Variants in OPRK1 observed in about 807,000 individuals in gnomAD.
OPRK1 encodes kappa-type opioid receptor.
In OPRK1, 15 loss-of-function variants were observed where a neutral mutation model predicts 24.5. The ratio of observed to expected loss-of-function variants is 0.61; its 90% confidence interval spans 0.41 to 0.94. The LOEUF is 0.94. Among genes scored for constraint, OPRK1 ranks in the 40% least tolerant of loss-of-function variants. The pLI is 0.00. For missense variants in OPRK1, 479 were observed against 507.3 expected, an observed-to-expected ratio of 0.94 and a Z score of 0.54; for synonymous variants, 205 against 198.0, an observed-to-expected ratio of 1.04 and a Z score of -0.30.
chr8:53,234,714 T>C, intron 3 of OPRK1, 45 bp downstream of exon 3: 2 of 1,521,598 alleles, frequency 1.3e-6, no homozygotes, highest in South Asian at 1.2e-5. Flanking sequence ...GTCTATGTAA[T>C]TTGAAGCTAC....
intron 2 of OPRK1, among the ~76,000 whole-genome samples, chr8:53,245,606 A>G (rs1485704256): frequency 6.6e-6 from 1 of 152,214 alleles, no homozygotes; most frequent in East Asian, 1.9e-4. Flanking sequence ...TGCAGAAAGG[A>G]ATGGATAACT....
At position 53,250,975 on chromosome 8, in the gene OPRK1, G is replaced by A. The variant is rs201092434; in HGVS notation, c.63C>T (p.Cys21=). 30 of 1,602,370 alleles carry A rather than the reference G, an allele frequency of 1.9e-5. No homozygotes were observed. The highest frequency in any genetic ancestry group is 2.5e-5 in the Non-Finnish European group (29 of 1,174,908). ...ACCAGGCGCTGCTGTTGGGGGGCAG[G>A]CAGGCGCTCGGGGCGCAGGTAGGGC... The part of the protein sequence containing the change: ...EPGPTCAPSA[C]LPPNSSAWFP... Residue 21 remains cysteine (C), a synonymous_variant, in exon 2 of 4, where the codon TGC becomes TGT. Coordinates refer to ENST00000265572, the MANE Select transcript of OPRK1 (RefSeq NM_000912.5).
In OPRK1 at chr8:53,229,274, T is replaced by A; in HGVS notation, c.*23A>T. 1 of 1,599,598 alleles carries A rather than the reference T, an allele frequency of 6.3e-7. No individual in the cohort carries two copies. The highest frequency in any genetic ancestry group is 1.1e-5 in the South Asian group (1 of 88,418). On this transcript the variant is annotated 3_prime_UTR_variant, in exon 4 of 4. Transcript: ENST00000265572. ...GAACTCCTCTCTTCCCGAAGAACTGTACGAAGACATCTCCACGACTAGTCA... is the reference window on the plus strand; with the variant it reads ...GAACTCCTCTCTTCCCGAAGAACTGAACGAAGACATCTCCACGACTAGTCA...
intron 2 of OPRK1, among the ~76,000 whole-genome samples, chr8:53,244,023 C>T (rs1563330655): frequency 6.6e-6 from 1 of 152,088 alleles, no homozygotes; most frequent in Non-Finnish European, 1.5e-5. Flanking sequence ...ACAGTGATTA[C>T]AACACATACT....
Position 53,227,598 on chromosome 8 carries a change from A to T in OPRK1, c.*1699T>A, listed in dbSNP as rs935956430. ...CAATAAAACAAGAAATACTCAAAAGAGCACTTCATTTTCATTAGGAGAAAT... is the reference window on the plus strand; with the variant it reads ...CAATAAAACAAGAAATACTCAAAAGTGCACTTCATTTTCATTAGGAGAAAT... On this transcript the variant is annotated 3_prime_UTR_variant, in exon 4 of 4. Coordinates refer to ENST00000265572, the MANE Select transcript of OPRK1 (RefSeq NM_000912.5). 5 of 152,160 alleles carry T rather than the reference A, an allele frequency of 3.3e-5. No individual in the cohort carries two copies. The highest frequency in any genetic ancestry group is 7.3e-5 in the Non-Finnish European group (5 of 68,032). 9.4% of individuals were successfully genotyped at this position (152,160 alleles called of 1,614,324 possible).
chr8:53,243,092 C>T (rs1344331921), intron 2 of OPRK1, among the ~76,000 whole-genome samples: 8 of 152,190 alleles, frequency 5.3e-5, no homozygotes, highest in Non-Finnish European at 1.2e-4. Context: ...CAATGTTATT[C>T]TGAAACTATC....
rs1201508262 is a variant in OPRK1 at position 53,226,512 on chromosome 8, AACAG to A, written c.*2781_*2784del. 8.2e-6 allele frequency: 1 copy of A among 121,516 alleles called. No homozygotes were observed. The highest frequency in any genetic ancestry group is 3.8e-5 in the African/African-American group (1 of 26,320). 7.5% of individuals were successfully genotyped at this position (121,516 alleles called of 1,614,324 possible). A position where few individuals can be genotyped will look rare whatever the true frequency, so the allele number is the denominator to read the frequency against. ...TGGAGTTCTAGTCTCAAAGAGACAC[AACAG>A]ACAGTGTCCTCCTTGTTGAGGTCAG... On this transcript the variant is annotated 3_prime_UTR_variant, in exon 4 of 4. Coordinates refer to ENST00000265572, the MANE Select transcript of OPRK1 (RefSeq NM_000912.5).
At chr8:53,231,767 A>G (rs952797626) in intron 3 of OPRK1, among the ~76,000 whole-genome samples, 5 of 152,230 alleles carry the variant, frequency 3.3e-5, no homozygotes, top group African/African-American at 1.2e-4. Flanking sequence ...CCACATGAAT[A>G]ACAAACCCTC....
chr8:53,238,720 T>A, intron 2 of OPRK1: 1 of 985,464 alleles, frequency 1.0e-6, no homozygotes, highest in African/African-American at 1.7e-5. Flanking sequence ...AACAAAGTTA[T>A]CTGCTGAGAT....
intron 2 of OPRK1, among the ~76,000 whole-genome samples, chr8:53,246,303 G>A (rs1011726075): frequency 6.6e-6 from 1 of 152,154 alleles, no homozygotes; most frequent in South Asian, 2.1e-4. Context: ...CACACACCAG[G>A]GCTTTGGTGA....
intron 2 of OPRK1, among the ~76,000 whole-genome samples, chr8:53,236,616 G>A (rs1440099607): frequency 6.6e-6 from 1 of 152,116 alleles, no homozygotes; most frequent in Non-Finnish European, 1.5e-5. Flanking sequence ...AACATGGATG[G>A]CCAAGTTCTC....
intron 2 of OPRK1, among the ~76,000 whole-genome samples, chr8:53,248,616 A>G: frequency 6.6e-6 from 1 of 152,110 alleles, no homozygotes; most frequent in East Asian, 1.9e-4. Context: ...TTCTTCTTCA[A>G]AGGTTTTATT....
Position 53,238,663 on chromosome 8 carries a change from T to G in OPRK1, c.258-3552A>C, listed in dbSNP as rs76301966. The G allele has an allele frequency of 4.9e-3, 4,866 of 985,280 alleles. 203 individuals carry two copies. The African/African-American group carries it at 0.079, about 16-fold the overall frequency. The allele number at this position is 985,280 out of a possible 1,614,324, so 61.0% of individuals were successfully genotyped here. ...ACTTCTCTTTACAGAGAAACGAGGG[T>G]TGGCTTCAAAATTGGCAGACACTGG... is the stretch of plus-strand genomic sequence containing the variant. On this transcript the variant is annotated intron_variant, in intron 2 of 3. Transcript: ENST00000265572.
intron 3 of OPRK1, among the ~76,000 whole-genome samples, chr8:53,233,061 G>T (rs1450825539): frequency 6.6e-6 from 1 of 152,220 alleles, no homozygotes; most frequent in East Asian, 1.9e-4. Context: ...TGATAAAGTT[G>T]GGCATTTCTT....
At chr8:53,241,805 G>A (rs59786462) in intron 2 of OPRK1, among the ~76,000 whole-genome samples, 2,677 of 152,298 alleles carry the variant, frequency 0.018, 67 homozygotes, top group African/African-American at 0.062. Context: ...GCACAGCCCC[G>A]CGCAGGTGCA....
At chr8:53,232,427 T>C (rs1806878349) in intron 3 of OPRK1, among the ~76,000 whole-genome samples, 1 of 152,174 alleles carries the variant, frequency 6.6e-6, no homozygotes. Flanking sequence ...GAGAAATACT[T>C]GAGGTGATGA....
At chr8:53,243,994 C>A (rs1807174934) in intron 2 of OPRK1, among the ~76,000 whole-genome samples, 1 of 151,966 alleles carries the variant, frequency 6.6e-6, no homozygotes, top group South Asian at 2.1e-4. Context: ...GAATGTGGAA[C>A]ATGTATGTAC....
chr8:53,241,922 G>A (rs73589353), intron 2 of OPRK1, among the ~76,000 whole-genome samples: 19,567 of 152,192 alleles, frequency 0.13, 1,517 homozygotes, highest in African/African-American at 0.22. Flanking sequence ...CCTCCTCTCA[G>A]TTGTCCCGGC....
rs756054706 is a variant in OPRK1, at chr8:53,250,968, G to C, written c.70C>G (p.Pro24Ala). Reference protein sequence around the residue: ...PTCAPSACLPPNSSAWFPGWA... With the variant: ...PTCAPSACLPANSSAWFPGWA... ...CCGGGAAACCAGGCGCTGCTGTTGG[G>C]GGGCAGGCAGGCGCTCGGGGCGCAG... Residue 24 changes from proline to alanine, a missense_variant, in exon 2 of 4, where the codon CCC (proline) becomes GCC (alanine). Coordinates refer to ENST00000265572, the MANE Select transcript of OPRK1 (RefSeq NM_000912.5). 26 of 1,605,566 alleles carry C rather than the reference G, an allele frequency of 1.6e-5. No homozygotes were observed. Among genetic ancestry groups the C allele is most frequent in the Non-Finnish European group, 2.1e-5 (25 of 1,176,212 alleles).
Sources: allele counts gnomAD v4.1 joint callset (sites outside exome capture counted in the v4.1 genomes callset), GRCh38; gene constraint gnomAD v4.1.1; transcripts MANE v1.5; gene names NCBI Gene and HGNC (gene_info 2026-07-23, HGNC 2026-07-21).